LRPPRC: variants seen among roughly 807,000 people sequenced by gnomAD.
The protein encoded by LRPPRC is leucine rich pentatricopeptide repeat containing, also known as leucine-rich PPR motif-containing protein, mitochondrial.
LRPPRC carries 120 observed loss-of-function variants against 180.3 expected under a neutral mutation model. The observed-to-expected ratio is 0.67, with a 90% CI of 0.57 to 0.77. The LOEUF (loss-of-function observed/expected upper bound fraction) is 0.77, where lower values mean the gene tolerates loss of function less well. LRPPRC is among the 30% of genes least tolerant of loss of function. The pLI, the probability that LRPPRC is intolerant of heterozygous loss-of-function variation, is 0.00. For synonymous variants in LRPPRC, 723 were observed against 600.0 expected, an observed-to-expected ratio of 1.21 and a Z score of -3.00; for missense variants, 2,012 against 1,657.2, an observed-to-expected ratio of 1.21 and a Z score of -3.72.
intron 23 of LRPPRC, among the ~76,000 whole-genome samples, chr2:43,936,646 GTTTTA>G (rs1345078492): frequency 3.3e-5 from 5 of 152,174 alleles, no homozygotes; most frequent in Non-Finnish European, 2.9e-5. Flanking sequence ...AGAAATGTTA[GTTTTA>G]TTGCAATAAT....
At position 43,889,821 on chromosome 2, in the gene LRPPRC, C is replaced by T; in HGVS notation, c.4041G>A (p.Lys1347=). The change falls in exon 37 of 38, where the codon AAG becomes AAA. Residue 1347 remains lysine (K), a synonymous_variant. Transcript: ENST00000260665. The stretch of plus-strand genomic sequence containing the variant: ...GAAACAGATCATCCAATTTTGTATT[C>T]TTTGCAGTCAAATGTTCATACAGTG... The part of the protein sequence containing the change: ...AKALYEHLTA[K]NTKLDDLFLK... 1 of 1,610,424 alleles carries T rather than the reference C, an allele frequency of 6.2e-7. No homozygotes were observed. The highest frequency in any genetic ancestry group is 8.5e-7 in the Non-Finnish European group (1 of 1,176,584).
At chr2:43,889,639 T>C in intron 37 of LRPPRC, 95 bp downstream of exon 37, 3 of 1,033,714 alleles carry the variant, frequency 2.9e-6, no homozygotes, top group East Asian at 2.4e-5. Context: ...CTAATCCTCA[T>C]GTAATTAAGT....
At chr2:43,967,177 T>C (rs1490212286) in intron 11 of LRPPRC, among the ~76,000 whole-genome samples, 5 of 152,118 alleles carry the variant, frequency 3.3e-5, no homozygotes, top group Admixed American at 6.6e-5. Context: ...GGTGGGAGGA[T>C]TGCTTGAACC....
chr2:43,901,057 G>C (rs577304534), intron 32 of LRPPRC, among the ~76,000 whole-genome samples: 9 of 152,212 alleles, frequency 5.9e-5, no homozygotes, highest in African/African-American at 2.2e-4. Flanking sequence ...AAGAGGCCTG[G>C]CATATATACA....
intron 17 of LRPPRC, 83 bp downstream of exon 17, chr2:43,948,329 T>G (rs1672770880): frequency 4.2e-6 from 4 of 959,644 alleles, no homozygotes; most frequent in Non-Finnish European, 6.9e-6. Context: ...AGTGGTCTGG[T>G]TGTACTTAAA....
chr2:43,890,180 A>G, intron 36 of LRPPRC: 1 of 423,182 alleles, frequency 2.4e-6, no homozygotes, highest in Non-Finnish European at 4.6e-6. Flanking sequence ...TGATAGTTCA[A>G]GTGACCACAA....
chr2:43,903,225 C>G (rs1670950851), intron 31 of LRPPRC: 1 of 152,362 alleles, frequency 6.6e-6, no homozygotes, highest in Admixed American at 6.5e-5. Flanking sequence ...AAAAATGTTA[C>G]CCATCCACAT....
chr2:43,985,115 C>A (rs1020961971), intron 1 of LRPPRC, among the ~76,000 whole-genome samples: 1 of 150,050 alleles, frequency 6.7e-6, no homozygotes, highest in African/African-American at 2.5e-5. Context: ...TTCCATGGGA[C>A]CCTCCCCACT....
In LRPPRC at chr2:43,948,475, AC is replaced by A; in HGVS notation, c.1778del (p.Ser593MetfsTer12). The A allele has an allele frequency of 6.2e-7, 1 of 1,612,256 alleles. No homozygotes were observed. The highest frequency in any genetic ancestry group is 1.1e-5 in the South Asian group (1 of 91,040). ...CCTCCTTGGCCTGTACCTCTGAGTC[AC>A]TCATGCTGTCAATCAAGTTATAAAG... ...YFLYNLIDSMSDSEVQAKEEH... is the reference protein window; with the variant it reads ...YFLYNLIDSMXDSEVQAKEEH... On this transcript the variant is annotated frameshift_variant, in exon 17 of 38. Transcript: ENST00000260665. LOFTEE classifies it high-confidence loss of function.
At position 43,899,527 on chromosome 2, in the gene LRPPRC, G is replaced by A. The variant is rs370683872; in HGVS notation, c.3648C>T (p.Phe1216=). Residue 1216 remains phenylalanine (F), a synonymous_variant, in exon 33 of 38, where the codon TTC becomes TTT. Coordinates refer to ENST00000260665, the MANE Select transcript of LRPPRC (RefSeq NM_133259.4). The part of the protein sequence containing the change: ...SENKVIEPQY[F]GLAYLFRKVI... ...CTTTTCTGAATAAGTATGCCAAGCCGAAGTATTGGGGTTCAATGACTTTAT... is the reference window on the plus strand; with the variant it reads ...CTTTTCTGAATAAGTATGCCAAGCCAAAGTATTGGGGTTCAATGACTTTAT... 6.2e-6 allele frequency: 10 copies of A among 1,612,368 alleles called. No homozygotes were observed. Among genetic ancestry groups the A allele is most frequent in the Non-Finnish European group, 5.9e-6 (7 of 1,178,568 alleles).
chr2:43,986,061 C>A (rs1436147620), intron 1 of LRPPRC, among the ~76,000 whole-genome samples: 9 of 152,156 alleles, frequency 5.9e-5, no homozygotes, highest in Admixed American at 1.3e-4. Flanking sequence ...ATGACATAAG[C>A]TGTTGAACAT....
intron 1 of LRPPRC, among the ~76,000 whole-genome samples, chr2:43,983,973 G>A (rs1674420254): frequency 1.3e-5 from 2 of 152,072 alleles, no homozygotes; most frequent in African/African-American, 4.8e-5. Flanking sequence ...ATAAGACAAT[G>A]TCTTATTTTT....
At chr2:43,914,433 T>C (rs1671368122) in intron 29 of LRPPRC, among the ~76,000 whole-genome samples, 1 of 152,160 alleles carries the variant, frequency 6.6e-6, no homozygotes, top group African/African-American at 2.4e-5. Context: ...AACAGGAAAC[T>C]CTGAAGAGTT....
At chr2:43,950,512 C>T (rs1672857313) in intron 15 of LRPPRC, 61 bp downstream of exon 15, 2 of 1,375,398 alleles carry the variant, frequency 1.5e-6, no homozygotes, top group Non-Finnish European at 2.1e-6. Context: ...ATTACATAAC[C>T]TATGGTATTG....
Position 43,918,096 on chromosome 2 carries a change from G to T in LRPPRC, c.3077C>A (p.Ser1026Ter). The T allele has an allele frequency of 6.2e-7, 1 of 1,613,668 alleles. No individual in the cohort carries two copies. The highest frequency in any genetic ancestry group is 8.5e-7 in the Non-Finnish European group (1 of 1,179,900). ...YEDEKHSLNS[S>*]SASTTEPDFQ... ...ATCAGGTTCTGTGGTTGAGGCTGAC[G>T]AAGAATTCAGGGAATGTTTTTCATC... The change falls in exon 29 of 38, where the codon TCG becomes TAG. Residue 1026 changes from serine (S) to a stop codon, truncating the protein, a stop_gained. Coordinates refer to ENST00000260665, the MANE Select transcript of LRPPRC (RefSeq NM_133259.4). LOFTEE classifies it high-confidence loss of function.
chr2:43,894,769 T>G (rs1670621254), intron 35 of LRPPRC, 140 bp from the exon 36 acceptor site: 1 of 634,856 alleles, frequency 1.6e-6, no homozygotes, highest in Non-Finnish European at 2.9e-6. Context: ...CTATTGTCCC[T>G]TGTATATTAG....
chr2:43,936,948 C>T lies in LRPPRC; in HGVS notation c.2505-2070G>A, dbSNP rs112648348. On this transcript the variant is annotated intron_variant, in intron 23 of 37. Coordinates refer to ENST00000260665, the MANE Select transcript of LRPPRC (RefSeq NM_133259.4). ...AGGTTCGGTTATTGCCTTTCTATAA[C>T]TCTGCTTAACGAAAAACTACTAAAA... is the stretch of plus-strand genomic sequence containing the variant. 4.2e-3 allele frequency among the ~76,000 whole-genome samples: 635 copies of T among 152,260 alleles called. 6 individuals carry two copies. Among genetic ancestry groups the T allele is most frequent in the African/African-American group, 0.014 (591 of 41,548 alleles).
intron 13 of LRPPRC, among the ~76,000 whole-genome samples, chr2:43,958,223 T>C (rs1254871369): frequency 6.6e-6 from 1 of 152,260 alleles, no homozygotes; most frequent in East Asian, 1.9e-4. Context: ...CCTGTAATTG[T>C]ACTAAAATGG....
intron 3 of LRPPRC, 100 bp from the exon 4 acceptor site, chr2:43,977,376 T>G (rs1559047722): frequency 2.1e-6 from 2 of 931,614 alleles, no homozygotes; most frequent in East Asian, 4.9e-5. Flanking sequence ...AAACTATCAC[T>G]TTAGCATTTC....
Sources: gnomAD v4.1 joint callset for allele counts (sites outside exome capture counted in the v4.1 genomes callset) on GRCh38, gnomAD v4.1.1 for gene constraint, MANE v1.5 for transcripts, NCBI Gene and HGNC (gene_info 2026-07-23, HGNC 2026-07-21) for gene names.